Variants in NTRK2 observed in about 807,000 individuals in gnomAD.
NTRK2 encodes BDNF/NT-3 growth factors receptor.
Under a neutral mutation model 94.5 loss-of-function variants are expected in NTRK2, and 13 were observed. The ratio of observed to expected loss-of-function variants is 0.14; its 90% CI spans 0.09 to 0.22. The LOEUF (loss-of-function observed/expected upper bound fraction) is 0.22, where lower values mean the gene tolerates loss of function less well. Ranked by LOEUF, NTRK2 falls within the 10% of genes least tolerant of loss-of-function variation. The pLI is 1.00. For synonymous variants in NTRK2, 372 were observed against 407.4 expected (o/e 0.91, Z 1.05); for missense variants, 639 against 1,071.2 (o/e 0.60, Z 5.63).
intron 12 of NTRK2, among the ~76,000 whole-genome samples, chr9:84,788,806 G>C (rs1235371023): frequency 2.0e-5 from 3 of 152,100 alleles, no homozygotes; most frequent in African/African-American, 4.8e-5. Context: ...GAGCTACCTT[G>C]AGTTTGGTGC....
intron 14 of NTRK2, 81 bp from the exon 15 acceptor site, chr9:84,934,081 G>A (rs2132715412): frequency 4.6e-6 from 7 of 1,521,478 alleles, no homozygotes; most frequent in Non-Finnish European, 5.5e-6. Flanking sequence ...GGAAGCTCAG[G>A]TACAGGCCAC....
chr9:84,741,966 A>G (rs2063684055), intron 10 of NTRK2, 39 bp downstream of exon 10: 8 of 1,538,640 alleles, frequency 5.2e-6, no homozygotes, highest in Non-Finnish European at 7.2e-6. Flanking sequence ...TCTTTTTCAA[A>G]ATGTTTGTGT....
intron 14 of NTRK2, among the ~76,000 whole-genome samples, chr9:84,925,143 C>A (rs2077711907): frequency 6.6e-6 from 1 of 152,014 alleles, no homozygotes; most frequent in Non-Finnish European, 1.5e-5. Flanking sequence ...CCTCTCTGCA[C>A]CTTCCCTAGG....
chr9:84,824,124 C>G (rs1032292393), intron 12 of NTRK2, among the ~76,000 whole-genome samples: 6 of 152,180 alleles, frequency 3.9e-5, no homozygotes, highest in African/African-American at 1.4e-4. Flanking sequence ...GGGAGCTGGG[C>G]TTTCATATGT....
chr9:84,856,438 T>C (rs561749934), intron 12 of NTRK2, among the ~76,000 whole-genome samples: 1 of 152,264 alleles, frequency 6.6e-6, no homozygotes, highest in African/African-American at 2.4e-5. Flanking sequence ...TATGTGCCAG[T>C]AGGAAAGGGA....
At chr9:84,844,649 TCA>T (rs10562034) in intron 12 of NTRK2, among the ~76,000 whole-genome samples, 25,903 of 140,556 alleles carry the variant, frequency 0.18, 2,220 homozygotes, top group East Asian at 0.27. Flanking sequence ...AATACCTCAC[TCA>T]CACACACACA....
At chr9:84,778,096 T>C (rs988722872) in intron 12 of NTRK2, among the ~76,000 whole-genome samples, 4 of 152,098 alleles carry the variant, frequency 2.6e-5, no homozygotes, top group African/African-American at 9.7e-5. Context: ...GCGCTGTCCC[T>C]ACAAAAAGTT....
intron 16 of NTRK2, among the ~76,000 whole-genome samples, chr9:84,954,792 G>A (rs1823903707): frequency 6.6e-6 from 1 of 152,222 alleles, no homozygotes; most frequent in Non-Finnish European, 1.5e-5. Flanking sequence ...AGCTTGGTTG[G>A]GGGATACTCT....
intron 17 of NTRK2, among the ~76,000 whole-genome samples, chr9:85,017,633 C>T (rs1019283778): frequency 6.6e-6 from 1 of 152,134 alleles, no homozygotes; most frequent in Admixed American, 6.5e-5. Context: ...TTTAATAAGC[C>T]TCAGTCCCTG....
intron 14 of NTRK2, among the ~76,000 whole-genome samples, chr9:84,923,844 G>C (rs1417833345): frequency 1.3e-5 from 2 of 151,668 alleles, no homozygotes; most frequent in African/African-American, 4.9e-5. Flanking sequence ...AGGTCGCAGT[G>C]AACTGAGATC....
chr9:84,735,326 C>G (rs777416532), intron 9 of NTRK2, among the ~76,000 whole-genome samples: 10 of 152,280 alleles, frequency 6.6e-5, no homozygotes, highest in Middle Eastern at 3.4e-3. Flanking sequence ...CTCCTGGGGA[C>G]CCTGTTAAAA....
chr9:84,953,173 A>C (rs990703837), intron 16 of NTRK2, among the ~76,000 whole-genome samples: 18 of 152,340 alleles, frequency 1.2e-4, no homozygotes, highest in South Asian at 4.1e-4. Context: ...ACCTTTAGTG[A>C]AGTGGAAAGG....
chr9:84,948,431 G>A (rs759901247), intron 15 of NTRK2, 31 bp from the exon 16 acceptor site: 3 of 1,611,610 alleles, frequency 1.9e-6, no homozygotes, highest in Non-Finnish European at 2.5e-6. Flanking sequence ...GCCCACTGAA[G>A]TAATCCTTCT....
At chr9:84,744,679 A>G (rs1564174205) in intron 10 of NTRK2, among the ~76,000 whole-genome samples, 2 of 152,202 alleles carry the variant, frequency 1.3e-5, no homozygotes, top group Non-Finnish European at 2.9e-5. Context: ...TATGCCATCC[A>G]TAAAGGGGTA....
rs1455565294 is a variant in NTRK2 at position 85,025,556 on chromosome 9, A to G, written c.*4119A>G. 4.3e-6 allele frequency: 1 copy of G among 233,146 alleles called. No homozygotes were observed. The highest frequency in any genetic ancestry group is 5.6e-5 in the Admixed American group (1 of 17,776). 14.4% of individuals were successfully genotyped at this position (233,146 alleles called of 1,614,324 possible). ...TCCTAACAGCAGGATTACCTGGTCA[A>G]GTATGGACTTTCTTTGAATCTTTCT... On this transcript the variant is annotated 3_prime_UTR_variant, in exon 19 of 19. Transcript: ENST00000277120.
intron 12 of NTRK2, among the ~76,000 whole-genome samples, chr9:84,857,920 C>T (rs2075144245): frequency 6.6e-6 from 1 of 152,190 alleles, no homozygotes; most frequent in African/African-American, 2.4e-5. Flanking sequence ...ATTTTCTTCA[C>T]ATAGGCACCT....
intron 17 of NTRK2, among the ~76,000 whole-genome samples, chr9:84,994,664 G>A (rs1829522188): frequency 6.6e-6 from 1 of 152,184 alleles, no homozygotes; most frequent in Admixed American, 6.5e-5. Context: ...TGGAATTCAA[G>A]CATTGCTGAC....
chr9:84,945,678 G>T (rs1277278511), intron 15 of NTRK2, among the ~76,000 whole-genome samples: 1 of 152,186 alleles, frequency 6.6e-6, no homozygotes, highest in Non-Finnish European at 1.5e-5. Flanking sequence ...CCCAGTTTCT[G>T]TAGCTTCAAG....
chr9:84,706,386 A>G (rs1323334343), intron 4 of NTRK2, among the ~76,000 whole-genome samples: 1 of 152,058 alleles, frequency 6.6e-6, no homozygotes, highest in African/African-American at 2.4e-5. Context: ...TCCTGGTTGT[A>G]ATGCCAGGAC....
Sources: allele counts gnomAD v4.1 joint callset (sites outside exome capture counted in the v4.1 genomes callset), GRCh38; gene constraint gnomAD v4.1.1; transcripts MANE v1.5; gene names NCBI Gene and HGNC (gene_info 2026-07-23, HGNC 2026-07-21).